ARNT: variants seen among roughly 807,000 people sequenced by gnomAD.
The protein encoded by ARNT is class E basic helix-loop-helix protein 2.
ARNT carries 30 observed loss-of-function variants against 105.0 expected under a neutral mutation model. The observed-to-expected ratio is 0.29, with a 90% CI of 0.21 to 0.39. The LOEUF (loss-of-function observed/expected upper bound fraction) is 0.39. ARNT is among the 10% of genes least tolerant of loss of function. The probability of loss-of-function intolerance (pLI) is 1.00; values close to 1 mark genes in which losing one functional copy is unlikely to be tolerated. For synonymous variants in ARNT, 304 were observed against 344.0 expected (o/e 0.88, Z 1.29); for missense variants, 748 against 978.7 (o/e 0.76, Z 3.15).
In ARNT at chr1:150,813,245, T is replaced by C; in HGVS notation, c.2207A>G (p.His736Arg). ...WPQWQGQQPHHRSSSSEQHVQ... is the reference protein window; with the variant it reads ...WPQWQGQQPHRRSSSSEQHVQ... ...ATGTTGCTCACTAGAACTTGAACGA[T>C]GATGAGGCTGCTGGCCCTGCCACTG... The change falls in exon 21 of 22, where the codon CAT (histidine) becomes CGT (arginine). Residue 736 changes from histidine to arginine, a missense_variant. This residue lies in a region of ARNT where 360 missense variants were observed against 411.9 expected (regional missense o/e 0.87). Coordinates refer to ENST00000358595, the MANE Select transcript of ARNT (RefSeq NM_001668.4). 6.2e-7 allele frequency: 1 copy of C among 1,614,018 alleles called. No homozygotes were observed. Among genetic ancestry groups the C allele is most frequent in the Non-Finnish European group, 8.5e-7 (1 of 1,179,974 alleles).
Position 150,817,917 on chromosome 1 carries a change from T to C in ARNT, c.1505+3A>G. Reference sequence around the variant, plus strand: ...AACAGATGATTATTTCACCCTTTTTTACCTGGGTGCCAGCTGTCCTGAGCC... The same window carrying C: ...AACAGATGATTATTTCACCCTTTTTCACCTGGGTGCCAGCTGTCCTGAGCC... On this transcript the variant is annotated splice_donor_region_variant and intron_variant, in intron 15 of 21. Coordinates refer to ENST00000358595, the MANE Select transcript of ARNT (RefSeq NM_001668.4). 5.6e-6 allele frequency: 9 copies of C among 1,606,042 alleles called. No homozygotes were observed. Among genetic ancestry groups the C allele is most frequent in the Non-Finnish European group, 7.7e-6 (9 of 1,174,306 alleles).
Position 150,846,304 on chromosome 1 carries a change from A to C in ARNT, c.186T>G (p.Cys62Trp). 6.2e-7 allele frequency: 1 copy of C among 1,613,842 alleles called. No homozygotes were observed. Among genetic ancestry groups the C allele is most frequent in the South Asian group, 1.1e-5 (1 of 91,062 alleles). Reference protein sequence around the residue: ...DGEGNSKFLRCDDDQMSNDKE... With the variant: ...DGEGNSKFLRWDDDQMSNDKE... ...TATCGTTAGACATCTGATCATCATC[A>C]CACCTGAAGGAGAGAAAAAGGATTG... The change falls in exon 4 of 22, where the codon TGT becomes TGG. Residue 62 changes from cysteine (C) to tryptophan (W), a missense_variant. This residue lies in a region of ARNT where 93 missense variants were observed against 101.6 expected (regional missense o/e 0.92). Coordinates refer to ENST00000358595, the MANE Select transcript of ARNT (RefSeq NM_001668.4).
intron 12 of ARNT, among the ~76,000 whole-genome samples, chr1:150,828,200 A>G (rs1292492455): frequency 6.6e-6 from 1 of 152,098 alleles, no homozygotes; most frequent in East Asian, 1.9e-4. Flanking sequence ...AGTGTAAGAA[A>G]TCTTTTGCCT....
At position 150,816,894 on chromosome 1, in the gene ARNT, T is replaced by C. The variant is rs1655998105; in HGVS notation, c.1700-4A>G. The C allele has an allele frequency of 3.1e-6, 5 of 1,606,426 alleles. No individual in the cohort carries two copies. The highest frequency in any genetic ancestry group is 3.4e-6 in the Non-Finnish European group (4 of 1,178,186). On this transcript the variant is annotated splice_region_variant and splice_polypyrimidine_tract_variant and intron_variant, in intron 17 of 21. Coordinates refer to ENST00000358595, the MANE Select transcript of ARNT (RefSeq NM_001668.4). ...GAGGAGATGCCTTTACTCTGATCTG[T>C]GGACCAAAAGGAGTTGGGGAAGGGC...
In ARNT at chr1:150,826,531, G is replaced by A. The variant is rs1658300464; in HGVS notation, c.1242+12C>T. The A allele has an allele frequency of 6.2e-7, 1 of 1,606,058 alleles. No individual in the cohort carries two copies. Among genetic ancestry groups the A allele is most frequent in the Admixed American group, 1.7e-5 (1 of 59,744 alleles). ...AAATATTTATTCAGAACCAAACCAG[G>A]AAAAAAGTTACCTGTTGGAAGCTGT... is the stretch of plus-strand genomic sequence containing the variant. On this transcript the variant is annotated intron_variant, in intron 13 of 21. Coordinates refer to ENST00000358595, the MANE Select transcript of ARNT (RefSeq NM_001668.4).
intron 4 of ARNT, 115 bp from the exon 5 acceptor site, chr1:150,842,583 AAAAAG>A: frequency 1.2e-6 from 1 of 817,228 alleles, no homozygotes; most frequent in Non-Finnish European, 2.0e-6. Flanking sequence ...AGGGAGAAAA[AAAAAG>A]AAAAGGAGAA....
intron 1 of ARNT, among the ~76,000 whole-genome samples, chr1:150,875,822 T>C (rs3768012): frequency 0.011 from 1,715 of 152,304 alleles, 68 homozygotes; most frequent in Admixed American, 0.067. Flanking sequence ...AGTTTGGAAA[T>C]TGCCTCGACG....
rs1654811108 is a variant in ARNT, at chr1:150,811,965, T to C, written c.*56A>G. On this transcript the variant is annotated 3_prime_UTR_variant, in exon 22 of 22. Coordinates refer to ENST00000358595, the MANE Select transcript of ARNT (RefSeq NM_001668.4). ...ATTCTGTTTACAGAAAGATTTGCTT[T>C]TTAAAAACAAACAGTGATTTTTTCT... 1.5e-6 allele frequency: 2 copies of C among 1,347,164 alleles called. No homozygotes were observed. Among genetic ancestry groups the C allele is most frequent in the African/African-American group, 1.5e-5 (1 of 66,506 alleles). 83.5% of individuals were successfully genotyped at this position (1,347,164 alleles called of 1,614,324 possible).
intron 1 of ARNT, among the ~76,000 whole-genome samples, chr1:150,872,043 A>C (rs1667544692): frequency 6.6e-6 from 1 of 151,908 alleles, no homozygotes; most frequent in South Asian, 2.1e-4. Context: ...TGCAGCTTCA[A>C]CTTTCCAGGC....
At chr1:150,866,922 G>A (rs915201496) in intron 1 of ARNT, among the ~76,000 whole-genome samples, 4 of 151,994 alleles carry the variant, frequency 2.6e-5, no homozygotes, top group Admixed American at 2.0e-4. Context: ...TATTCAAATA[G>A]AGGCTGGGCG....
intron 14 of ARNT, among the ~76,000 whole-genome samples, chr1:150,822,681 C>T (rs1292676944): frequency 1.3e-5 from 2 of 152,058 alleles, no homozygotes; most frequent in Admixed American, 6.6e-5. Flanking sequence ...GGTAAATGTT[C>T]CCTGAGCCAT....
rs137909458 is a variant in ARNT, at chr1:150,846,363, C to T, written c.183-56G>A. 2.3e-4 allele frequency: 351 copies of T among 1,556,358 alleles called. 1 individual carries two copies. In the African/African-American group the frequency reaches 4.2e-3, roughly 19 times the overall value. On this transcript the variant is annotated intron_variant, in intron 3 of 21. Transcript: ENST00000358595. ...CATTACACTTGTTATATCTATTTCA[C>T]TCTGAAAAGTAAACTAGAAAGGGGT...
Position 150,816,850 on chromosome 1 carries a change from G to C in ARNT, c.1740C>G (p.Thr580=). ...KGISSSTVPA[T]QQLFSQGNTF... Reference sequence around the variant, plus strand: ...TGTTGCCCTGGGAGAATAGCTGTTGGGTGGCAGGGACAGTGCTGGAGGAGA... The same window carrying C: ...TGTTGCCCTGGGAGAATAGCTGTTGCGTGGCAGGGACAGTGCTGGAGGAGA... Residue 580 remains threonine (T), a synonymous_variant, in exon 18 of 22, where the codon ACC becomes ACG. Transcript: ENST00000358595. 1.3e-6 allele frequency: 2 copies of C among 1,591,068 alleles called. No individual in the cohort carries two copies. The highest frequency in any genetic ancestry group is 1.7e-6 in the Non-Finnish European group (2 of 1,174,480).
At chr1:150,854,850 T>A (rs1571425299) in intron 2 of ARNT, among the ~76,000 whole-genome samples, 1 of 56,714 alleles carries the variant, frequency 1.8e-5, no homozygotes. Context: ...AGAGCGAAAC[T>A]ACATCTCAAA....
Position 150,813,337 on chromosome 1 carries a change from A to G in ARNT, c.2115T>C (p.Ala705=), listed in dbSNP as rs1054492347. Residue 705 remains alanine (A), a splice_region_variant and synonymous_variant, in exon 21 of 22, where the codon GCT becomes GCC. Coordinates refer to ENST00000358595, the MANE Select transcript of ARNT (RefSeq NM_001668.4). ...PSLTNRGSNF[A]PETGQTAGQF... is the part of the protein sequence containing the mutation. ...GTCCTGCAGTCTGTCCAGTCTCAGG[A>G]GCTAGAAATACAGCAAGGAAGAATA... 6 of 1,603,616 alleles carry G rather than the reference A, an allele frequency of 3.7e-6. No individual in the cohort carries two copies. The highest frequency in any genetic ancestry group is 5.1e-6 in the Non-Finnish European group (6 of 1,174,256).
chr1:150,833,897 A>G (rs1659790573), intron 8 of ARNT, among the ~76,000 whole-genome samples: 1 of 151,756 alleles, frequency 6.6e-6, no homozygotes, highest in Non-Finnish European at 1.5e-5. Flanking sequence ...CCTGTATCAA[A>G]CAGTATGTAA....
chr1:150,813,190 G>A lies in ARNT; in HGVS notation c.2262C>T (p.Gly754=). ...CTCTTACCTGGAAGACCTCAGGCTG[G>A]CCAGGTTGCTGTGCTGGCGGTTGTT... ...HVQQPPAQQP[G]QPEVFQEMLS... Residue 754 remains glycine, a synonymous_variant, in exon 21 of 22, where the codon GGC becomes GGT. Transcript: ENST00000358595. The A allele has an allele frequency of 6.2e-7, 1 of 1,613,142 alleles. No homozygotes were observed. The highest frequency in any genetic ancestry group is 8.5e-7 in the Non-Finnish European group (1 of 1,179,686).
intron 3 of ARNT, among the ~76,000 whole-genome samples, chr1:150,847,048 T>C (rs587603285): frequency 3.9e-5 from 6 of 152,344 alleles, no homozygotes; most frequent in East Asian, 1.9e-4. Context: ...CGACCTCTTA[T>C]CTATTGCGCA....
Position 150,813,272 on chromosome 1 carries a change from G to A in ARNT, c.2180C>T (p.Pro727Leu). 1 of 1,613,924 alleles carries A rather than the reference G, an allele frequency of 6.2e-7. No homozygotes were observed. Among genetic ancestry groups the A allele is most frequent in the Non-Finnish European group, 8.5e-7 (1 of 1,179,942 alleles). Residue 727 changes from proline (P) to leucine (L), a missense_variant, in exon 21 of 22, where the codon CCA becomes CTA. By Grantham distance (98) the Pro-to-Leu change is moderately conservative (BLOSUM62 -3). Transcript: ENST00000358595. ...ATGAGGCTGCTGGCCCTGCCACTGT[G>A]GCCAGACACCCACACCCTCTGCTGT... is the stretch of plus-strand genomic sequence containing the variant. ...TRTAEGVGVWPQWQGQQPHHR... is the reference protein window; with the variant it reads ...TRTAEGVGVWLQWQGQQPHHR...
Sources: gnomAD v4.1 joint callset for allele counts (sites outside exome capture counted in the v4.1 genomes callset) on GRCh38, gnomAD v4.1.1 for gene constraint, gnomAD v4.1.1 regional missense constraint, MANE v1.5 for transcripts, NCBI Gene and HGNC (gene_info 2026-07-23, HGNC 2026-07-21) for gene names.